The following GCH1 variants were observed in gnomAD, a reference collection of about 807,000 sequenced individuals.
GCH1 encodes GTP cyclohydrolase 1.
GCH1 carries 5 observed loss-of-function variants against 25.9 expected under a neutral mutation model. That is an observed-to-expected ratio of 0.19 (90% CI 0.10 to 0.41). The LOEUF (loss-of-function observed/expected upper bound fraction) is 0.41, where lower values mean the gene tolerates loss of function less well. Ranked by LOEUF, GCH1 falls within the 10% of genes least tolerant of loss-of-function variation. GCH1 has a pLI of 1.00. For synonymous variants in GCH1, 159 were observed against 129.6 expected, an observed-to-expected ratio of 1.23 and a Z score of -1.54; for missense variants, 261 against 336.5, an observed-to-expected ratio of 0.78 and a Z score of 1.75.
At chr14:54,892,683 T>C (rs997103625) in intron 1 of GCH1, among the ~76,000 whole-genome samples, 9 of 152,064 alleles carry the variant, frequency 5.9e-5, no homozygotes, top group Non-Finnish European at 7.4e-5. Context: ...AGCAAGACTC[T>C]ATCTCAAAAA....
chr14:54,852,208 T>C (rs2140051933), intron 3 of GCH1, among the ~76,000 whole-genome samples: 1 of 152,290 alleles, frequency 6.6e-6, no homozygotes, highest in East Asian at 1.9e-4. Flanking sequence ...ATAATAAGAA[T>C]TAAGCTCCCA....
At chr14:54,870,335 C>CAAAAAAAAAAAAAAAAAAAA in intron 1 of GCH1, among the ~76,000 whole-genome samples, 1 of 66,606 alleles carries the variant, frequency 1.5e-5, no homozygotes, top group Non-Finnish European at 2.7e-5. Flanking sequence ...CTGTTTTTAC[C>CAAAAAAAAAAAAAAAAAAAA]AAAAAAAAAA....
intron 1 of GCH1, among the ~76,000 whole-genome samples, chr14:54,893,845 T>C (rs1365165515): frequency 6.6e-6 from 1 of 152,204 alleles, no homozygotes; most frequent in Non-Finnish European, 1.5e-5. Context: ...CATGCTCCCA[T>C]CTCCTGGCAT....
chr14:54,845,304 C>T (rs946358646), intron 5 of GCH1, among the ~76,000 whole-genome samples: 1 of 147,834 alleles, frequency 6.8e-6, no homozygotes, highest in Admixed American at 6.7e-5. Flanking sequence ...ATGATGAAAC[C>T]CCATCTCTAT....
At chr14:54,885,534 C>A in intron 1 of GCH1, 1 of 352,462 alleles carries the variant, frequency 2.8e-6, no homozygotes, top group South Asian at 2.7e-5. Context: ...GCTTCTGATA[C>A]AAGCAGATCT....
At chr14:54,895,312 T>C (rs2040470892) in intron 1 of GCH1, among the ~76,000 whole-genome samples, 1 of 152,236 alleles carries the variant, frequency 6.6e-6, no homozygotes, top group South Asian at 2.1e-4. Context: ...CGCTGGATTA[T>C]ATGCATGCTT....
intron 3 of GCH1, among the ~76,000 whole-genome samples, chr14:54,847,451 G>A (rs545464876): frequency 9.9e-5 from 15 of 152,256 alleles, no homozygotes; most frequent in Middle Eastern, 3.4e-3. Context: ...AGCTGCCAGC[G>A]AATACAAAGC....
rs532598582 is a variant in GCH1 at position 54,888,522 on chromosome 14, T to A, written c.343+13799A>T. Among the ~76,000 whole-genome samples the A allele has an allele frequency of 1.8e-3, 249 of 140,318 alleles. 2 individuals are homozygous for A. Among genetic ancestry groups the A allele is most frequent in the African/African-American group, 7.1e-3 (240 of 33,828 alleles). The allele number at this position is 140,318 out of a possible 152,430, so 92.1% of individuals were successfully genotyped here. ...AAGCTTTGTTGACATACTAGTTTTT[T>A]TTTTTTTTGAGATGGAGTCTCACTC... On this transcript the variant is annotated intron_variant, in intron 1 of 5. Coordinates refer to ENST00000491895, the MANE Select transcript of GCH1 (RefSeq NM_000161.3).
chr14:54,874,457 A>C (rs2040128288), intron 1 of GCH1, among the ~76,000 whole-genome samples: 1 of 152,106 alleles, frequency 6.6e-6, no homozygotes, highest in Non-Finnish European at 1.5e-5. Context: ...CTCTCTCACC[A>C]CTCCTATTCA....
intron 1 of GCH1, among the ~76,000 whole-genome samples, chr14:54,866,323 T>A (rs917860706): frequency 6.6e-6 from 1 of 151,984 alleles, no homozygotes; most frequent in Admixed American, 6.6e-5. Context: ...AGCCAAGCTA[T>A]TGATAATAGG....
Position 54,844,147 on chromosome 14 carries a change from CA to C in GCH1, c.627-5del, listed in dbSNP as rs2039604670. 6.2e-7 allele frequency: 1 copy of C among 1,601,840 alleles called. No homozygotes were observed. Among genetic ancestry groups the C allele is most frequent in the Admixed American group, 1.7e-5 (1 of 59,986 alleles). On this transcript the variant is annotated splice_polypyrimidine_tract_variant and splice_region_variant and intron_variant, in intron 5 of 5. Coordinates refer to ENST00000491895, the MANE Select transcript of GCH1 (RefSeq NM_000161.3). The stretch of plus-strand genomic sequence containing the variant: ...TCGCATTACCATACACATGTGTCTA[CA>C]AAATAAGGCAACACAGGTTGTTTAA...
At chr14:54,870,672 T>C (rs2040059725) in intron 1 of GCH1, among the ~76,000 whole-genome samples, 1 of 152,058 alleles carries the variant, frequency 6.6e-6, no homozygotes, top group Non-Finnish European at 1.5e-5. Context: ...TTTCCAACGA[T>C]CTTAGCAAAC....
chr14:54,876,766 A>G (rs745448683), intron 1 of GCH1, among the ~76,000 whole-genome samples: 15 of 152,178 alleles, frequency 9.9e-5, no homozygotes, highest in Non-Finnish European at 2.1e-4. Flanking sequence ...TGACATATAC[A>G]TATGAATGTA....
intron 1 of GCH1, among the ~76,000 whole-genome samples, chr14:54,888,340 T>C (rs1411628629): frequency 2.0e-5 from 3 of 152,148 alleles, no homozygotes; most frequent in African/African-American, 7.2e-5. Flanking sequence ...GGCCCACCCA[T>C]GCTCAGAGAC....
chr14:54,863,499 CAAA>C (rs1209956263), intron 2 of GCH1, among the ~76,000 whole-genome samples: 9 of 17,886 alleles, frequency 5.0e-4, no homozygotes, highest in African/African-American at 1.7e-3. Flanking sequence ...TTTGTAATAG[CAAA>C]AAAAAAAAAA....
Position 54,902,672 on chromosome 14 carries a change from CG to C in GCH1, c.-10del. 1 of 1,442,332 alleles carries C rather than the reference CG, an allele frequency of 6.9e-7. No individual in the cohort carries two copies. Among genetic ancestry groups the C allele is most frequent in the Non-Finnish European group, 9.1e-7 (1 of 1,103,814 alleles). 89.3% of individuals were successfully genotyped at this position (1,442,332 alleles called of 1,614,324 possible). The stretch of plus-strand genomic sequence containing the variant: ...ACAGGGCCCTTCTCCATGGACCCGC[CG>C]CAGCCGCTGCCGTTCGGGAAGGACC... On this transcript the variant is annotated 5_prime_UTR_variant, in exon 1 of 6. Coordinates refer to ENST00000491895, the MANE Select transcript of GCH1 (RefSeq NM_000161.3).
intron 3 of GCH1, among the ~76,000 whole-genome samples, chr14:54,850,267 C>G (rs571266426): frequency 6.6e-6 from 1 of 151,524 alleles, no homozygotes; most frequent in African/African-American, 2.4e-5. Flanking sequence ...CCACCACGCC[C>G]GATCTCCTTT....
chr14:54,859,303 C>G (rs776025627), intron 3 of GCH1: 6 of 267,590 alleles, frequency 2.2e-5, no homozygotes, highest in Non-Finnish European at 3.7e-5. Flanking sequence ...CAGCAGAGCA[C>G]TGCAGCTAGA....
chr14:54,851,341 G>T (rs1462029536), intron 3 of GCH1, among the ~76,000 whole-genome samples: 1 of 152,106 alleles, frequency 6.6e-6, no homozygotes, highest in Non-Finnish European at 1.5e-5. Flanking sequence ...AACACCAAAA[G>T]CAATGGCAAC....
Sources: allele counts gnomAD v4.1 joint callset (sites outside exome capture counted in the v4.1 genomes callset), GRCh38; gene constraint gnomAD v4.1.1; transcripts MANE v1.5; gene names NCBI Gene and HGNC (gene_info 2026-07-23, HGNC 2026-07-21).